Variants in PPP2R2A observed in about 807,000 individuals in gnomAD.
PPP2R2A encodes the protein serine/threonine-protein phosphatase 2A 55 kDa regulatory subunit B alpha isoform.
In PPP2R2A, 9 loss-of-function variants were observed where a neutral mutation model predicts 53.2. The observed-to-expected ratio is 0.17, with a 90% CI of 0.10 to 0.30. PPP2R2A has a LOEUF of 0.30. Ranked by LOEUF, PPP2R2A falls within the 10% of genes least tolerant of loss-of-function variation. The pLI is 1.00. For synonymous variants in PPP2R2A, 169 were observed against 174.2 expected (o/e 0.97, Z 0.23); for missense variants, 235 against 534.6 (o/e 0.44, Z 5.53).
intron 3 of PPP2R2A, among the ~76,000 whole-genome samples, chr8:26,340,806 TGTTA>T (rs1312950147): frequency 6.6e-6 from 1 of 152,126 alleles, no homozygotes; most frequent in Non-Finnish European, 1.5e-5. Context: ...TCCTAAAGGC[TGTTA>T]GTAATACATT....
At chr8:26,322,475 A>C (rs1026881021) in intron 2 of PPP2R2A, among the ~76,000 whole-genome samples, 1 of 152,134 alleles carries the variant, frequency 6.6e-6, no homozygotes, top group African/African-American at 2.4e-5. Flanking sequence ...TCTGAGGAAA[A>C]AACTATGATA....
chr8:26,326,451 T>C (rs1171098075), intron 2 of PPP2R2A, among the ~76,000 whole-genome samples: 1 of 152,234 alleles, frequency 6.6e-6, no homozygotes, highest in Non-Finnish European at 1.5e-5. Context: ...TTTGCCTCTT[T>C]GTTTTCAGTT....
intron 4 of PPP2R2A, among the ~76,000 whole-genome samples, chr8:26,358,663 G>C (rs1804917983): frequency 6.6e-6 from 1 of 152,086 alleles, no homozygotes; most frequent in African/African-American, 2.4e-5. Context: ...TTTATATACT[G>C]TTATAAACAA....
At chr8:26,343,340 C>T (rs1335567701) in intron 3 of PPP2R2A, among the ~76,000 whole-genome samples, 3 of 151,506 alleles carry the variant, frequency 2.0e-5, no homozygotes, top group Non-Finnish European at 4.4e-5. Context: ...CCATGGATTC[C>T]TTTGATAGCC....
intron 2 of PPP2R2A, among the ~76,000 whole-genome samples, chr8:26,329,264 A>G (rs1803246247): frequency 6.6e-6 from 1 of 152,104 alleles, no homozygotes; most frequent in Non-Finnish European, 1.5e-5. Flanking sequence ...ACCTTTTTAG[A>G]AGAAATATAT....
Position 26,362,818 on chromosome 8 carries a change from G to T in PPP2R2A, c.772G>T (p.Ala258Ser). ...KGTIRLCDMR[A>S]SALCDRHSKL... ...AACTATTCGGCTATGTGACATGAGG[G>T]CATCTGCCCTCTGTGATAGACATTC... Residue 258 changes from alanine to serine, a missense_variant, in exon 7 of 10, where the codon GCA (alanine) becomes TCA (serine). Physicochemically the swap from Ala to Ser is moderately conservative, Grantham distance 99. Coordinates refer to ENST00000380737, the MANE Select transcript of PPP2R2A (RefSeq NM_002717.4). The surrounding 1 kb of genome is among the most constrained non-coding windows in gnomAD (Gnocchi z 4.4). The T allele has an allele frequency of 6.2e-7, 1 of 1,613,812 alleles. No individual in the cohort carries two copies. The highest frequency in any genetic ancestry group is 1.1e-5 in the South Asian group (1 of 91,074).
intron 3 of PPP2R2A, among the ~76,000 whole-genome samples, chr8:26,340,832 A>C (rs1462460628): frequency 6.6e-6 from 1 of 152,136 alleles, no homozygotes; most frequent in African/African-American, 2.4e-5. Context: ...ATTTGTAATT[A>C]AATTCCAAAT....
At chr8:26,336,046 T>G (rs1490495145) in intron 2 of PPP2R2A, among the ~76,000 whole-genome samples, 1 of 152,196 alleles carries the variant, frequency 6.6e-6, no homozygotes, top group Non-Finnish European at 1.5e-5. Flanking sequence ...TATAACTGGT[T>G]GTGAGAGTCC....
At chr8:26,336,542 G>A (rs6987285) in intron 2 of PPP2R2A, among the ~76,000 whole-genome samples, 2,471 of 151,976 alleles carry the variant, frequency 0.016, 67 homozygotes, top group African/African-American at 0.057. Context: ...TAGGTTTTAC[G>A]TGTTCAGTTC....
Position 26,354,369 on chromosome 8 carries a change from G to A in PPP2R2A, c.181-99G>A. The A allele has an allele frequency of 1.1e-6, 1 of 881,076 alleles. No individual in the cohort carries two copies. The highest frequency in any genetic ancestry group is 1.6e-6 in the Non-Finnish European group (1 of 616,036). 54.6% of individuals were successfully genotyped at this position (881,076 alleles called of 1,614,324 possible). ...AATTGTATAAAGACACAACTAATGG[G>A]GTATTGAGAATGTGCAGGGTCCTTT... On this transcript the variant is annotated intron_variant, in intron 3 of 9. Transcript: ENST00000380737. This position sits in a 1 kb window ranked among gnomAD's most constrained non-coding sequence, Gnocchi z 4.6.
intron 2 of PPP2R2A, among the ~76,000 whole-genome samples, chr8:26,307,767 C>CAA (rs1802088861): frequency 6.6e-6 from 1 of 152,130 alleles, no homozygotes; most frequent in South Asian, 2.1e-4. Context: ...CTCGTTTAAT[C>CAA]CTCTCACTCT....
At chr8:26,292,277 A>G (rs1199699011) in intron 1 of PPP2R2A, 1 of 994,500 alleles carries the variant, frequency 1.0e-6, no homozygotes, top group Non-Finnish European at 1.2e-6. Context: ...TTTTGCCTCG[A>G]GAAGGAAGAG....
At position 26,342,876 on chromosome 8, in the gene PPP2R2A, A is replaced by G. The variant is rs560330054; in HGVS notation, c.180+3889A>G. ...ACCTTTCTAAATTATATATGGCTCA[A>G]AATGTTTGCATGTATTTAAAATGCA... On this transcript the variant is annotated intron_variant, in intron 3 of 9. Coordinates refer to ENST00000380737, the MANE Select transcript of PPP2R2A (RefSeq NM_002717.4). Among the ~76,000 whole-genome samples the G allele has an allele frequency of 2.0e-5, 3 of 152,304 alleles. No homozygotes were observed. The East Asian group carries it at 5.8e-4, about 29-fold the overall frequency.
At chr8:26,333,603 T>TA (rs1184462988) in intron 2 of PPP2R2A, 2 of 1,006,300 alleles carry the variant, frequency 2.0e-6, no homozygotes, top group African/African-American at 3.3e-5. Flanking sequence ...ACTAATAATT[T>TA]AGTCTTTTAA....
At chr8:26,293,198 A>G in intron 1 of PPP2R2A, 1 of 1,529,220 alleles carries the variant, frequency 6.5e-7, no homozygotes, top group Non-Finnish European at 8.8e-7. Context: ...CTGTGTGTGC[A>G]CTTTGGTGAT....
At chr8:26,332,068 TA>T (rs1270191758) in intron 2 of PPP2R2A, among the ~76,000 whole-genome samples, 1 of 152,052 alleles carries the variant, frequency 6.6e-6, no homozygotes, top group Non-Finnish European at 1.5e-5. Flanking sequence ...TAAAAATACT[TA>T]AACAGGCCAG....
intron 2 of PPP2R2A, among the ~76,000 whole-genome samples, chr8:26,302,625 C>T (rs1801840116): frequency 6.6e-6 from 1 of 152,214 alleles, no homozygotes; most frequent in Admixed American, 6.5e-5. Context: ...CTACCTGAAA[C>T]ACCTATTAAA....
intron 2 of PPP2R2A, among the ~76,000 whole-genome samples, chr8:26,332,183 G>C (rs1461086385): frequency 4.0e-5 from 6 of 151,766 alleles, no homozygotes; most frequent in Non-Finnish European, 5.9e-5. Flanking sequence ...TTGAAAGCCT[G>C]TCTCTACTAA....
chr8:26,291,932 C>T (rs1221208259), intron 1 of PPP2R2A, 106 bp downstream of exon 1: 6 of 1,506,264 alleles, frequency 4.0e-6, no homozygotes, highest in East Asian at 2.5e-5. Flanking sequence ...CACAGGGCGC[C>T]CCTCGGGTTT....
Sources: allele counts gnomAD v4.1 joint callset (sites outside exome capture counted in the v4.1 genomes callset), GRCh38; gene constraint gnomAD v4.1.1; non-coding constraint Gnocchi (gnomAD v3.1); transcripts MANE v1.5; gene names NCBI Gene and HGNC (gene_info 2026-07-23, HGNC 2026-07-21).